MYCBP2: variants seen among roughly 807,000 people sequenced by gnomAD.
MYCBP2 encodes MYC binding protein 2.
MYCBP2 carries 120 observed loss-of-function variants against 525.3 expected under a neutral mutation model. The observed-to-expected ratio is 0.23, with a 90% CI of 0.20 to 0.27. The LOEUF is 0.27. Ranked by LOEUF, MYCBP2 falls within the 10% of genes least tolerant of loss-of-function variation. The pLI is 1.00. For missense variants in MYCBP2, 4,149 were observed against 5,657.1 expected (o/e 0.73, Z 8.55); for synonymous variants, 1,894 against 1,955.8 (o/e 0.97, Z 0.83).
intron 79 of MYCBP2, among the ~76,000 whole-genome samples, chr13:77,056,111 T>G (rs1334470908): frequency 1.4e-4 from 19 of 131,966 alleles, no homozygotes; most frequent in African/African-American, 4.7e-4. Flanking sequence ...TGTGTGTGTG[T>G]GTGTGTGTGT....
intron 32 of MYCBP2, among the ~76,000 whole-genome samples, chr13:77,184,122 T>A (rs749450929): frequency 7.9e-5 from 12 of 152,188 alleles, no homozygotes; most frequent in Non-Finnish European, 1.8e-4. Context: ...CATATAAGCA[T>A]TTAAGGGTAT....
chr13:77,206,579 T>G (rs2063364042), intron 24 of MYCBP2, 74 bp downstream of exon 24: 1 of 1,280,744 alleles, frequency 7.8e-7, no homozygotes, highest in Non-Finnish European at 1.0e-6. Context: ...ACATATAAAT[T>G]TAAATACTCT....
Position 77,058,284 on chromosome 13 carries a change from C to T in MYCBP2, c.13263G>A (p.Lys4421=). The change falls in exon 78 of 83, where the codon AAG becomes AAA. Residue 4421 remains lysine, a synonymous_variant. Coordinates refer to ENST00000544440, the MANE Select transcript of MYCBP2 (RefSeq NM_015057.5). The surrounding 1 kb of genome is among the most constrained non-coding windows in gnomAD (Gnocchi z 4.1). ...HGCDKSATSL[K]QDADDMCMIC... ...TCATGCACATGTCATCGGCGTCTTG[C>T]TTCAGGCTTGTGGCACTTTTGTCAC... is the stretch of plus-strand genomic sequence containing the variant. 6.2e-7 allele frequency: 1 copy of T among 1,614,210 alleles called. No homozygotes were observed. The highest frequency in any genetic ancestry group is 8.5e-7 in the Non-Finnish European group (1 of 1,180,038).
At position 77,144,538 on chromosome 13, in the gene MYCBP2, G is replaced by A. The variant is rs2055209106; in HGVS notation, c.7210C>T (p.Arg2404Cys). 2 of 1,612,906 alleles carry A rather than the reference G, an allele frequency of 1.2e-6. No homozygotes were observed. Among genetic ancestry groups the A allele is most frequent in the Admixed American group, 1.7e-5 (1 of 59,974 alleles). Residue 2404 changes from arginine to cysteine, a missense_variant, in exon 49 of 83, where the codon CGT becomes TGT. This residue lies in a region of MYCBP2 where 692 missense variants were observed against 852.7 expected (regional missense o/e 0.81). Coordinates refer to ENST00000544440, the MANE Select transcript of MYCBP2 (RefSeq NM_015057.5). ...PKRPSENMLI[R>C]VNNDGTYCAN... ...CAATAAGTCCCATCATTATTGACACGGATCAGCATATTCTCACTGGGTCTG... is the reference window on the plus strand; with the variant it reads ...CAATAAGTCCCATCATTATTGACACAGATCAGCATATTCTCACTGGGTCTG...
Position 77,278,813 on chromosome 13 carries a change from G to A in MYCBP2, c.693C>T (p.Asn231=), listed in dbSNP as rs561922988. Residue 231 remains asparagine, a synonymous_variant, in exon 4 of 83, where the codon AAC becomes AAT. Transcript: ENST00000544440. ...CTTCTGGCTGCTGGCCCTGCAGCAC[G>A]TTGAGCAGGGCTTGGAGACTCCTGA... ...LCLRSLQALL[N]VLQGQQPEGL... The A allele has an allele frequency of 1.7e-5, 27 of 1,598,766 alleles. No individual in the cohort carries two copies. The highest frequency in any genetic ancestry group is 1.3e-4 in the African/African-American group (10 of 74,204).
At chr13:77,137,382 T>C (rs2053916416) in intron 52 of MYCBP2, among the ~76,000 whole-genome samples, 1 of 152,080 alleles carries the variant, frequency 6.6e-6, no homozygotes, top group Non-Finnish European at 1.5e-5. Flanking sequence ...TCAGAGAAAA[T>C]TTGGACTAGG....
intron 66 of MYCBP2, 23 bp downstream of exon 66, chr13:77,078,801 T>C (rs1046631510): frequency 3.1e-6 from 5 of 1,607,832 alleles, no homozygotes; most frequent in Admixed American, 1.7e-5. Flanking sequence ...TAGCGAAACA[T>C]TTAATGACAA....
chr13:77,184,132 T>A (rs1404734653), intron 32 of MYCBP2, among the ~76,000 whole-genome samples: 1 of 152,198 alleles, frequency 6.6e-6, no homozygotes, highest in Admixed American at 6.5e-5. Flanking sequence ...TTTAAGGGTA[T>A]AAAGAGCTCT....
chr13:77,083,001 T>G, intron 63 of MYCBP2, 31 bp downstream of exon 63: 1 of 1,582,374 alleles, frequency 6.3e-7, no homozygotes, highest in Non-Finnish European at 8.6e-7. Flanking sequence ...TCTTGTCCAA[T>G]GTACCTAGGA....
chr13:77,139,009 C>A (rs2054184059), intron 52 of MYCBP2, among the ~76,000 whole-genome samples, 187 bp downstream of exon 52: 2 of 152,152 alleles, frequency 1.3e-5, no homozygotes, highest in South Asian at 4.1e-4. Context: ...TCATAATCTG[C>A]ACTAAGGGCC....
At chr13:77,245,119 G>C (rs2069623177) in intron 15 of MYCBP2, among the ~76,000 whole-genome samples, 1 of 152,204 alleles carries the variant, frequency 6.6e-6, no homozygotes, top group African/African-American at 2.4e-5. Flanking sequence ...ATTCTGGAGA[G>C]GATGTGGAGA....
chr13:77,316,007 A>G (rs921299666), intron 1 of MYCBP2, among the ~76,000 whole-genome samples: 10 of 152,076 alleles, frequency 6.6e-5, no homozygotes, highest in African/African-American at 2.4e-4. Context: ...TACAGCTAAT[A>G]TCATACTTAA....
intron 17 of MYCBP2, among the ~76,000 whole-genome samples, chr13:77,240,885 T>C (rs1490963815): frequency 6.6e-6 from 1 of 152,136 alleles, no homozygotes; most frequent in African/African-American, 2.4e-5. Context: ...TTACCAAACA[T>C]GAAGGAGGGT....
At chr13:77,118,718 G>C (rs183425859) in intron 55 of MYCBP2, among the ~76,000 whole-genome samples, 1 of 151,186 alleles carries the variant, frequency 6.6e-6, no homozygotes, top group Non-Finnish European at 1.5e-5. Context: ...ATCTTATATA[G>C]AAGCCCACCT....
rs2038667534 is a variant in MYCBP2 at position 77,058,724 on chromosome 13, C to T, written c.13141-318G>A. ...GTTCCTGGCTGGGAGTCGTGGCTTA[C>T]ACCTGTAATCCCAGCACTTTGGGAG... On this transcript the variant is annotated intron_variant, in intron 77 of 82. Coordinates refer to ENST00000544440, the MANE Select transcript of MYCBP2 (RefSeq NM_015057.5). This position sits in a 1 kb window ranked among gnomAD's most constrained non-coding sequence, Gnocchi z 4.1. 6.6e-6 allele frequency among the ~76,000 whole-genome samples: 1 copy of T among 152,068 alleles called. No individual in the cohort carries two copies. The highest frequency in any genetic ancestry group is 2.4e-5 in the African/African-American group (1 of 41,384).
chr13:77,314,794 C>T (rs760240448), intron 1 of MYCBP2, among the ~76,000 whole-genome samples: 104 of 152,152 alleles, frequency 6.8e-4, no homozygotes, highest in Admixed American at 3.7e-3. Flanking sequence ...GGAGGTTAAA[C>T]AATGGCCACA....
intron 52 of MYCBP2, among the ~76,000 whole-genome samples, chr13:77,134,939 T>C (rs2053510562): frequency 6.6e-6 from 1 of 152,154 alleles, no homozygotes; most frequent in South Asian, 2.1e-4. Context: ...CATGACAAGA[T>C]CACTTTAAGG....
At chr13:77,127,243 A>C (rs940152907) in intron 52 of MYCBP2, among the ~76,000 whole-genome samples, 5 of 152,006 alleles carry the variant, frequency 3.3e-5, no homozygotes, top group Admixed American at 6.6e-5. Context: ...TTTTTAGTAG[A>C]AAGGAGAAAT....
intron 26 of MYCBP2, among the ~76,000 whole-genome samples, chr13:77,199,700 A>T (rs373372501): frequency 6.6e-6 from 1 of 152,260 alleles, no homozygotes; most frequent in East Asian, 1.9e-4. Flanking sequence ...GATCTGAGAA[A>T]GGGCAGACTG....
Sources: gnomAD v4.1 joint callset for allele counts (sites outside exome capture counted in the v4.1 genomes callset) on GRCh38, gnomAD v4.1.1 for gene constraint, gnomAD v4.1.1 regional missense constraint, Gnocchi (gnomAD v3.1) non-coding constraint, MANE v1.5 for transcripts, NCBI Gene and HGNC (gene_info 2026-07-23, HGNC 2026-07-21) for gene names.